Variants in ZFP1 observed in about 807,000 individuals in gnomAD.
ZFP1 encodes the protein ZFP1 zinc finger protein.
ZFP1 carries 32 observed loss-of-function variants against 38.5 expected under a neutral mutation model. The observed-to-expected ratio is 0.83, with a 90% CI of 0.63 to 1.12. The LOEUF (loss-of-function observed/expected upper bound fraction) is 1.12. Ranked by LOEUF, ZFP1 falls within the 50% of genes most tolerant of loss-of-function variation. ZFP1 has a pLI of 0.00. For synonymous variants in ZFP1, 245 were observed against 168.8 expected (o/e 1.45, Z -3.50); for missense variants, 616 against 480.8 (o/e 1.28, Z -2.63).
chr16:75,119,409 T>C, the ZFP1 span: 1 of 152,180 alleles, frequency 6.6e-6, no homozygotes, highest in African/African-American at 2.4e-5. Context: ...TCTTTTTTTT[T>C]TGGAGTTTTA....
chr16:75,134,181 T>C, the ZFP1 span, among the ~76,000 whole-genome samples: 1 of 152,218 alleles, frequency 6.6e-6, no homozygotes, highest in Admixed American at 6.5e-5. Flanking sequence ...GTGATGGTTG[T>C]GCAATATTAT....
intron 2 of ZFP1, among the ~76,000 whole-genome samples, chr16:75,162,728 G>A (rs1261321838): frequency 6.6e-6 from 1 of 152,044 alleles, no homozygotes; most frequent in Non-Finnish European, 1.5e-5. Context: ...AGTACCCAGA[G>A]TTTAGCTCCC....
At chr16:75,119,186 T>TG in the ZFP1 span, among the ~76,000 whole-genome samples, 5 of 152,148 alleles carry the variant, frequency 3.3e-5, no homozygotes, top group South Asian at 4.1e-4. Flanking sequence ...TTCTCAGATT[T>TG]GGGGGGTTCA....
Position 75,167,478 on chromosome 16 carries a change from T to C in ZFP1, c.142+582T>C, listed in dbSNP as rs532037741. The stretch of plus-strand genomic sequence containing the variant: ...AACTTTCCTAACATATCTTAAACTT[T>C]GTTGTGTCTTGTACATGTACCATTC... On this transcript the variant is annotated intron_variant, in intron 3 of 3. Coordinates refer to ENST00000570010, the MANE Select transcript of ZFP1 (RefSeq NM_153688.4). 5.3e-5 allele frequency among the ~76,000 whole-genome samples: 8 copies of C among 152,288 alleles called. No individual in the cohort carries two copies. The East Asian group carries it at 9.6e-4, about 18-fold the overall frequency.
At chr16:75,133,415 C>A in the ZFP1 span, among the ~76,000 whole-genome samples, 5 of 152,258 alleles carry the variant, frequency 3.3e-5, no homozygotes, top group South Asian at 2.1e-4. Context: ...TTCTGCTCCT[C>A]TCCTCCCACC....
the ZFP1 span, among the ~76,000 whole-genome samples, chr16:75,125,266 AT>A: frequency 2.0e-5 from 3 of 151,670 alleles, no homozygotes; most frequent in Non-Finnish European, 2.9e-5. Flanking sequence ...CTCGAAAAAA[AT>A]TTTTTTTTAA....
chr16:75,158,957 C>G (rs900361984), intron 2 of ZFP1, among the ~76,000 whole-genome samples: 3 of 145,186 alleles, frequency 2.1e-5, no homozygotes, highest in South Asian at 2.1e-4. Context: ...AGTGCAGTGG[C>G]TTGATCTCCA....
At chr16:75,159,293 C>T (rs1309293609) in intron 2 of ZFP1, among the ~76,000 whole-genome samples, 4 of 36,108 alleles carry the variant, frequency 1.1e-4, no homozygotes, top group African/African-American at 1.8e-4. Context: ...TTCCTTCCCT[C>T]CCTTCCCTCC....
Position 75,169,238 on chromosome 16 carries a change from GCT to G in ZFP1, c.143-10_143-9del, listed in dbSNP as rs778305925. On this transcript the variant is annotated splice_polypyrimidine_tract_variant and intron_variant, in intron 3 of 3. Transcript: ENST00000570010. ...GCATTGACAAGGTTCTTTTCATTGT[GCT>G]CTCTATTCCTAGAAGTGTGGAAGGC... is the stretch of plus-strand genomic sequence containing the variant. 6 of 1,584,180 alleles carry G rather than the reference GCT, an allele frequency of 3.8e-6. No homozygotes were observed. Among genetic ancestry groups the G allele is most frequent in the South Asian group, 2.3e-5 (2 of 86,416 alleles).
At chr16:75,134,947 G>A in the ZFP1 span, among the ~76,000 whole-genome samples, 17 of 151,290 alleles carry the variant, frequency 1.1e-4, no homozygotes, top group East Asian at 1.9e-3. Context: ...CCAGCTACTC[G>A]GGAGGCTGAG....
At chr16:75,144,895 A>G (rs1013765738), upstream of ZFP1, among the ~76,000 whole-genome samples, 5 of 152,146 alleles carry the variant, frequency 3.3e-5, no homozygotes, top group African/African-American at 4.8e-5. Context: ...CAGTCGTGCA[A>G]TCATAGGTCA....
At chr16:75,169,021 A>G (rs1363582162) in intron 3 of ZFP1, among the ~76,000 whole-genome samples, 9 of 152,192 alleles carry the variant, frequency 5.9e-5, no homozygotes, top group South Asian at 4.1e-4. Context: ...TGATCTGGCA[A>G]TGCTACTTGT....
upstream of ZFP1, among the ~76,000 whole-genome samples, chr16:75,146,616 A>G (rs7190094): frequency 0.54 from 81,538 of 151,982 alleles, 22,501 homozygotes; most frequent in East Asian, 0.72. Context: ...ACACTGGTAC[A>G]TGCAGACAGT....
chr16:75,164,549 A>C (rs186763916), intron 2 of ZFP1, among the ~76,000 whole-genome samples: 4 of 152,064 alleles, frequency 2.6e-5, no homozygotes, highest in African/African-American at 7.2e-5. Flanking sequence ...GCTGGGCTTA[A>C]TTTTGGTTTT....
the ZFP1 span, among the ~76,000 whole-genome samples, chr16:75,129,972 G>C: frequency 1.3e-5 from 2 of 152,264 alleles, no homozygotes; most frequent in Non-Finnish European, 2.9e-5. Flanking sequence ...CAAGTGTGTG[G>C]TTTGACCTTT....
the ZFP1 span, among the ~76,000 whole-genome samples, chr16:75,119,976 T>G: frequency 6.6e-6 from 1 of 152,232 alleles, no homozygotes. Context: ...GCCACCTTTT[T>G]GCTAGCCAGG....
At chr16:75,134,013 C>T in the ZFP1 span, among the ~76,000 whole-genome samples, 1 of 152,064 alleles carries the variant, frequency 6.6e-6, no homozygotes, top group East Asian at 1.9e-4. Context: ...CGTGCCACTG[C>T]ACTCCAGCCT....
At chr16:75,130,353 C>T in the ZFP1 span, among the ~76,000 whole-genome samples, 1 of 152,160 alleles carries the variant, frequency 6.6e-6, no homozygotes, top group Non-Finnish European at 1.5e-5. Context: ...CAGCCCTTCT[C>T]CCCTGATTCT....
chr16:75,170,379 T>C lies in ZFP1; in HGVS notation c.*45T>C. On this transcript the variant is annotated 3_prime_UTR_variant, in exon 4 of 4. Coordinates refer to ENST00000570010, the MANE Select transcript of ZFP1 (RefSeq NM_153688.4). ...TGTGGAAAACTCCTGCCAGAACTCTTCAAGCGGGTGAAAAACCTCATGACA... is the reference window on the plus strand; with the variant it reads ...TGTGGAAAACTCCTGCCAGAACTCTCCAAGCGGGTGAAAAACCTCATGACA... 6.6e-7 allele frequency: 1 copy of C among 1,511,496 alleles called. No homozygotes were observed. The highest frequency in any genetic ancestry group is 8.8e-7 in the Non-Finnish European group (1 of 1,130,592). The allele number at this position is 1,511,496 out of a possible 1,614,324, so 93.6% of individuals were successfully genotyped here.
Sources: allele counts gnomAD v4.1 joint callset (sites outside exome capture counted in the v4.1 genomes callset), GRCh38; gene constraint gnomAD v4.1.1; transcripts MANE v1.5; gene names NCBI Gene and HGNC (gene_info 2026-07-23, HGNC 2026-07-21).